SMIM8: variants seen among roughly 807,000 people sequenced by gnomAD.
The protein encoded by SMIM8 is UPF0708 protein C6orf162.
SMIM8 carries 8 observed loss-of-function variants against 8.1 expected under a neutral mutation model. That is an observed-to-expected ratio of 0.99 (90% CI 0.58 to 1.78). The LOEUF (loss-of-function observed/expected upper bound fraction) is 1.78. Among genes scored for constraint, SMIM8 ranks in the 40% most tolerant of loss-of-function variants. The probability of loss-of-function intolerance (pLI) is 0.00; values close to 1 mark genes in which losing one functional copy is unlikely to be tolerated. For missense variants in SMIM8, 126 were observed against 119.8 expected, an observed-to-expected ratio of 1.05 and a Z score of -0.24; for synonymous variants, 45 against 39.7, an observed-to-expected ratio of 1.13 and a Z score of -0.50.
intron 2 of SMIM8, among the ~76,000 whole-genome samples, chr6:87,336,678 A>G (rs1312080022): frequency 6.6e-6 from 1 of 152,172 alleles, no homozygotes; most frequent in Non-Finnish European, 1.5e-5. Flanking sequence ...CGGATAACCT[A>G]CTGGCCTCAC....
At position 87,340,279 on chromosome 6, in the gene SMIM8, G is replaced by A. The variant is rs1339341369; in HGVS notation, c.*5G>A. On this transcript the variant is annotated 3_prime_UTR_variant, in exon 4 of 4. Transcript: ENST00000392863. ...AAAACATCCAAATGGGATTAGTAGT[G>A]CTGGTTAGTGCAGATGGACCTTTAT... 1.3e-6 allele frequency: 2 copies of A among 1,578,784 alleles called. No individual in the cohort carries two copies. Among genetic ancestry groups the A allele is most frequent in the Admixed American group, 1.9e-5 (1 of 51,788 alleles).
intron 2 of SMIM8, among the ~76,000 whole-genome samples, chr6:87,331,770 A>G (rs1162567819): frequency 6.6e-6 from 1 of 152,244 alleles, no homozygotes; most frequent in East Asian, 1.9e-4. Flanking sequence ...TTTTGGGAGA[A>G]TTGTTGTATC....
chr6:87,336,881 T>TA (rs1258741442), intron 2 of SMIM8, 128 bp from the exon 3 acceptor site: 2 of 603,312 alleles, frequency 3.3e-6, no homozygotes, highest in African/African-American at 3.7e-5. Context: ...AGTAATAAGA[T>TA]AACTGACAAT....
intron 1 of SMIM8, among the ~76,000 whole-genome samples, chr6:87,328,479 C>T (rs904765510): frequency 4.6e-5 from 7 of 151,506 alleles, no homozygotes; most frequent in South Asian, 2.1e-4. Context: ...CAGACAGGAC[C>T]GTAAGCTTCA....
rs1473338855 is a variant in SMIM8 at position 87,341,057 on chromosome 6, GTTAA to G, written c.*789_*792del. The G allele has an allele frequency of 1.1e-5, 4 of 376,088 alleles. No individual in the cohort carries two copies. Among genetic ancestry groups the G allele is most frequent in the South Asian group, 2.9e-4 (2 of 6,806 alleles). The allele number at this position is 376,088 out of a possible 1,614,324, so 23.3% of individuals were successfully genotyped here. On this transcript the variant is annotated 3_prime_UTR_variant, in exon 4 of 4. Coordinates refer to ENST00000392863, the MANE Select transcript of SMIM8 (RefSeq NM_001042493.3). ...ATTAATTTTGTTTATGTTAATTTGT[GTTAA>G]TTAATGTTACTGTAATGTTATAAAC...
intron 1 of SMIM8, among the ~76,000 whole-genome samples, chr6:87,328,786 C>G (rs576322323): frequency 1.3e-5 from 2 of 152,188 alleles, no homozygotes; most frequent in African/African-American, 2.4e-5. Flanking sequence ...CCACCCAGTT[C>G]GAGCTTCCCA....
intron 1 of SMIM8, among the ~76,000 whole-genome samples, chr6:87,325,781 A>G (rs1232277393): frequency 2.0e-5 from 3 of 152,216 alleles, no homozygotes; most frequent in African/African-American, 2.4e-5. Flanking sequence ...CTGGCCTCAT[A>G]AAATGAGTTA....
chr6:87,337,246 T>C, intron 3 of SMIM8, 80 bp downstream of exon 3: 1 of 1,440,890 alleles, frequency 6.9e-7, no homozygotes, highest in Non-Finnish European at 9.2e-7. Context: ...TGTATTTGAT[T>C]TTATCATGGA....
Position 87,340,123 on chromosome 6 carries a change from C to T in SMIM8, c.143C>T (p.Pro48Leu), listed in dbSNP as rs1248845847. The T allele has an allele frequency of 1.3e-6, 2 of 1,567,564 alleles. No individual in the cohort carries two copies. The highest frequency in any genetic ancestry group is 1.4e-5 in the African/African-American group (1 of 71,996). The change falls in exon 4 of 4, where the codon CCT becomes CTT. Residue 48 changes from proline (P) to leucine (L), a missense_variant. Pro to Leu is a moderately conservative substitution (Grantham distance 98, BLOSUM62 -3). Transcript: ENST00000392863. ...NPELFIKPNKPVMAFGLVTLS... is the reference protein window; with the variant it reads ...NPELFIKPNKLVMAFGLVTLS... ...TTTTTTTTTCTTTGACAGAACAAAC[C>T]TGTAATGGCTTTCGGATTGGTAACT...
In SMIM8 at chr6:87,340,464, CCA is replaced by C. The variant is rs1777203319; in HGVS notation, c.*193_*194del. On this transcript the variant is annotated 3_prime_UTR_variant, in exon 4 of 4. Coordinates refer to ENST00000392863, the MANE Select transcript of SMIM8 (RefSeq NM_001042493.3). ...CTGCAGCCATTATCTCATTCTTTTT[CCA>C]CAGAGTGAGCGTCATAATATTTTTC... 1 of 404,432 alleles carries C rather than the reference CCA, an allele frequency of 2.5e-6. No homozygotes were observed. The highest frequency in any genetic ancestry group is 4.2e-6 in the Non-Finnish European group (1 of 240,258). 25.1% of individuals were successfully genotyped at this position (404,432 alleles called of 1,614,324 possible).
chr6:87,337,183 GGATAAGACTTTGT>G lies in SMIM8; in HGVS notation c.135+19_135+31del. 6.3e-7 allele frequency: 1 copy of G among 1,579,048 alleles called. No homozygotes were observed. Among genetic ancestry groups the G allele is most frequent in the Non-Finnish European group, 8.6e-7 (1 of 1,164,138 alleles). ...ATTAAACCTGTAAGAAATACATCCA[GGATAAGACTTTGT>G]GTTTAATCCAACCAGACTGTCAGAA... On this transcript the variant is annotated intron_variant, in intron 3 of 3. Transcript: ENST00000392863.
chr6:87,323,338 T>G (rs577708687), intron 1 of SMIM8, among the ~76,000 whole-genome samples: 56 of 152,302 alleles, frequency 3.7e-4, no homozygotes, highest in Non-Finnish European at 5.9e-4. Context: ...GTTAGTTACA[T>G]ATGTATACAT....
At chr6:87,323,065 T>C (rs1776710382) in intron 1 of SMIM8, 1 of 141,656 alleles carries the variant, frequency 7.1e-6, no homozygotes, top group Admixed American at 6.7e-5. Context: ...TGTGTAGAAC[T>C]TAACGGAATG....
intron 2 of SMIM8, among the ~76,000 whole-genome samples, chr6:87,333,714 G>A (rs1777043503): frequency 6.6e-6 from 1 of 152,172 alleles, no homozygotes; most frequent in African/African-American, 2.4e-5. Context: ...AAGGGATTCT[G>A]GGACTAAAGC....
chr6:87,336,655 C>T (rs1003412360), intron 2 of SMIM8, among the ~76,000 whole-genome samples: 4 of 152,074 alleles, frequency 2.6e-5, no homozygotes, highest in African/African-American at 7.2e-5. Flanking sequence ...AAGCAAGGAA[C>T]TAAGGAAAGG....
intron 1 of SMIM8, among the ~76,000 whole-genome samples, chr6:87,323,901 G>C (rs986906923): frequency 3.3e-5 from 5 of 152,158 alleles, no homozygotes; most frequent in Admixed American, 6.5e-5. Context: ...CAGTGTAAAA[G>C]TGTTCCTGTT....
At chr6:87,326,540 G>A (rs1254101271) in intron 1 of SMIM8, among the ~76,000 whole-genome samples, 1 of 151,214 alleles carries the variant, frequency 6.6e-6, no homozygotes, top group Non-Finnish European at 1.5e-5. Context: ...TAGTCATTCA[G>A]GAGCAGGTTG....
At position 87,337,058 on chromosome 6, in the gene SMIM8, A is replaced by T; in HGVS notation, c.27A>T (p.Thr9=). 6.2e-7 allele frequency: 1 copy of T among 1,612,240 alleles called. No individual in the cohort carries two copies. Among genetic ancestry groups the T allele is most frequent in the African/African-American group, 1.3e-5 (1 of 74,998 alleles). ...TGTCTTCAGCACCTGAGCCTCCAACATTCAAAAAGGAACCACCCAAAGAGA... is the reference window on the plus strand; with the variant it reads ...TGTCTTCAGCACCTGAGCCTCCAACTTTCAAAAAGGAACCACCCAAAGAGA... The part of the protein sequence containing the change: MSSAPEPP[T]FKKEPPKEKE... The change falls in exon 3 of 4, where the codon ACA becomes ACT. Residue 9 remains threonine, a synonymous_variant. Transcript: ENST00000392863.
At chr6:87,331,853 A>C (rs1777002091) in intron 2 of SMIM8, among the ~76,000 whole-genome samples, 1 of 152,226 alleles carries the variant, frequency 6.6e-6, no homozygotes, top group Admixed American at 6.5e-5. Context: ...TAATAAAAGA[A>C]TGATAAATAA....
Sources: gnomAD v4.1 joint callset for allele counts (sites outside exome capture counted in the v4.1 genomes callset) on GRCh38, gnomAD v4.1.1 for gene constraint, MANE v1.5 for transcripts, NCBI Gene and HGNC (gene_info 2026-07-23, HGNC 2026-07-21) for gene names.